BRD10: variants seen among roughly 807,000 people sequenced by gnomAD.
The protein encoded by BRD10 is uncharacterized bromodomain-containing protein 10.
At chr9:5,920,717 TTTA>T in the BRD10 span, 1 of 1,613,830 alleles carries the variant, frequency 6.2e-7, no homozygotes, top group Non-Finnish European at 8.5e-7. Context: ...TGGAACTGTG[TTTA>T]TTATTTTAGG....
chr9:5,960,303 T>C, the BRD10 span, among the ~76,000 whole-genome samples: 5 of 152,158 alleles, frequency 3.3e-5, no homozygotes. Flanking sequence ...GCCTCACGCC[T>C]GTAATCCCAG....
the BRD10 span, among the ~76,000 whole-genome samples, chr9:5,949,373 A>C: frequency 1.4e-5 from 2 of 146,526 alleles, no homozygotes; most frequent in Non-Finnish European, 3.0e-5. Context: ...AAACAAACAA[A>C]CAACAACAAC....
At chr9:5,982,537 C>T in the BRD10 span, among the ~76,000 whole-genome samples, 1 of 152,196 alleles carries the variant, frequency 6.6e-6, no homozygotes, top group African/African-American at 2.4e-5. Flanking sequence ...AGAAGTGAGA[C>T]TTGAGCTAGC....
At chr9:5,941,387 A>T in the BRD10 span, among the ~76,000 whole-genome samples, 1 of 152,226 alleles carries the variant, frequency 6.6e-6, no homozygotes, top group Non-Finnish European at 1.5e-5. Flanking sequence ...AAAGAATGCT[A>T]TCATGTAAAT....
the BRD10 span, among the ~76,000 whole-genome samples, chr9:5,996,307 G>GT: frequency 1.9e-4 from 29 of 149,704 alleles, no homozygotes; most frequent in East Asian, 1.4e-3. Flanking sequence ...ATGTAACTTG[G>GT]TTTTTTTTTT....
chr9:5,945,805 A>C, the BRD10 span, among the ~76,000 whole-genome samples: 1 of 152,098 alleles, frequency 6.6e-6, no homozygotes, highest in Admixed American at 6.6e-5. Flanking sequence ...ATTACTGCGA[A>C]AAAGAACTAG....
the BRD10 span, among the ~76,000 whole-genome samples, chr9:5,937,228 CA>C: frequency 0.027 from 2,404 of 90,548 alleles, 17 homozygotes; most frequent in Non-Finnish European, 0.035. Flanking sequence ...GACTCTGCCT[CA>C]AAAAAAAAAA....
At chr9:5,903,323 T>C in the BRD10 span, among the ~76,000 whole-genome samples, 1 of 152,228 alleles carries the variant, frequency 6.6e-6, no homozygotes, top group Non-Finnish European at 1.5e-5. Context: ...CCTACAGATG[T>C]CTATTATATC....
chr9:5,880,090 T>C, the BRD10 span, among the ~76,000 whole-genome samples: 1 of 151,928 alleles, frequency 6.6e-6, no homozygotes, highest in African/African-American at 2.4e-5. Context: ...CAGCTAACTT[T>C]TTTTATTTTT....
chr9:5,914,324 G>C, the BRD10 span, among the ~76,000 whole-genome samples: 3 of 135,110 alleles, frequency 2.2e-5, no homozygotes, highest in Non-Finnish European at 3.2e-5. Context: ...TCTTTTTATT[G>C]TTTTTTCTTA....
the BRD10 span, among the ~76,000 whole-genome samples, chr9:5,956,475 T>C: frequency 6.6e-6 from 1 of 152,150 alleles, no homozygotes; most frequent in Non-Finnish European, 1.5e-5. Flanking sequence ...TACAAGACCT[T>C]GAGCAAACTG....
At chr9:5,977,645 A>G in the BRD10 span, among the ~76,000 whole-genome samples, 1 of 152,102 alleles carries the variant, frequency 6.6e-6, no homozygotes, top group African/African-American at 2.4e-5. Context: ...CAGGAGATCG[A>G]GACCACGGTG....
chr9:6,002,262 C>T, the BRD10 span, among the ~76,000 whole-genome samples: 3 of 152,196 alleles, frequency 2.0e-5, no homozygotes, highest in Non-Finnish European at 4.4e-5. Context: ...TTTCATACTT[C>T]TGTTACTGCA....
At chr9:5,985,936 T>G in the BRD10 span, among the ~76,000 whole-genome samples, 4 of 152,086 alleles carry the variant, frequency 2.6e-5, no homozygotes, top group African/African-American at 9.7e-5. Context: ...AAAAAAAAAT[T>G]GTTGGGTTGT....
At chr9:5,958,200 G>T in the BRD10 span, among the ~76,000 whole-genome samples, 1 of 151,984 alleles carries the variant, frequency 6.6e-6, no homozygotes, top group African/African-American at 2.4e-5. Context: ...AAAACACTAT[G>T]CTTAGAACAA....
the BRD10 span, among the ~76,000 whole-genome samples, chr9:5,918,692 A>G: frequency 1.3e-5 from 2 of 150,512 alleles, no homozygotes; most frequent in African/African-American, 4.9e-5. Context: ...AAAAACCACA[A>G]TTACTTACAC....
the BRD10 span, among the ~76,000 whole-genome samples, chr9:5,953,040 A>G: frequency 6.6e-6 from 1 of 152,174 alleles, no homozygotes; most frequent in Non-Finnish European, 1.5e-5. Context: ...TAAAAATGTT[A>G]AATTTTTACC....
At chr9:5,943,625 T>G in the BRD10 span, among the ~76,000 whole-genome samples, 1 of 151,190 alleles carries the variant, frequency 6.6e-6, no homozygotes, top group East Asian at 1.9e-4. Context: ...ATCACAGCAG[T>G]AAATTTTAAT....
the BRD10 span, among the ~76,000 whole-genome samples, chr9:5,954,311 T>C: frequency 6.6e-6 from 1 of 152,212 alleles, no homozygotes; most frequent in Non-Finnish European, 1.5e-5. Context: ...TGTTTTATGT[T>C]TATATGAACT....
Sources: gnomAD v4.1 joint callset for allele counts (sites outside exome capture counted in the v4.1 genomes callset) on GRCh38, gnomAD v4.1.1 for gene constraint, MANE v1.5 for transcripts, NCBI Gene and HGNC (gene_info 2026-07-23, HGNC 2026-07-21) for gene names.